Variants in DNAH9 observed in about 807,000 individuals in gnomAD.
DNAH9 encodes the protein DNAH9 variant protein.
A neutral mutation model predicts 471.6 loss-of-function variants in DNAH9; 345 were observed. The observed-to-expected ratio is 0.73, with a 90% CI of 0.67 to 0.80. The LOEUF is 0.80. Ranked by LOEUF, DNAH9 falls within the 30% of genes least tolerant of loss-of-function variation. DNAH9 has a pLI of 0.00. For synonymous variants in DNAH9, 2,093 were observed against 2,123.6 expected (o/e 0.99, Z 0.40); for missense variants, 5,407 against 5,609.2 (o/e 0.96, Z 1.15).
At chr17:11,636,388 T>TA (rs1157946034) in intron 8 of DNAH9, among the ~76,000 whole-genome samples, 1 of 152,220 alleles carries the variant, frequency 6.6e-6, no homozygotes, top group Non-Finnish European at 1.5e-5. Context: ...TCCAGATTCT[T>TA]ATGCCAAGTA....
chr17:11,601,728 A>G (rs568080029), intron 1 of DNAH9, among the ~76,000 whole-genome samples: 27 of 151,062 alleles, frequency 1.8e-4, no homozygotes, highest in Middle Eastern at 3.5e-3. Flanking sequence ...CCTCCTGTCC[A>G]CCCCCTCTCC....
At chr17:11,674,442 G>A (rs980266313) in intron 17 of DNAH9, among the ~76,000 whole-genome samples, 6 of 152,134 alleles carry the variant, frequency 3.9e-5, no homozygotes, top group Non-Finnish European at 8.8e-5. Context: ...ACTACTCTGA[G>A]TATAAAAAGG....
At chr17:11,885,590 C>G (rs1225064483) in intron 56 of DNAH9, among the ~76,000 whole-genome samples, 4 of 152,116 alleles carry the variant, frequency 2.6e-5, no homozygotes, top group Non-Finnish European at 5.9e-5. Context: ...ATTTAAATAA[C>G]TATACTCTTA....
At chr17:11,611,820 A>C in intron 4 of DNAH9, 40 bp downstream of exon 4, 1 of 1,607,790 alleles carries the variant, frequency 6.2e-7, no homozygotes, top group Non-Finnish European at 8.5e-7. Flanking sequence ...TGTTTGACTC[A>C]AGTTACCGTC....
In DNAH9 at chr17:11,969,674, A is replaced by T. The variant is rs539061786; in HGVS notation, c.*147A>T. 7.2e-6 allele frequency: 5 copies of T among 693,730 alleles called. No homozygotes were observed. The highest frequency in any genetic ancestry group is 2.7e-5 in the East Asian group (1 of 36,640). The allele number at this position is 693,730 out of a possible 1,614,324, so 43.0% of individuals were successfully genotyped here. ...TGTAGAATTCCTCTAGGGAACTTGG[A>T]GAGGTGTGCCTAAGGTGAGGCTGAG... On this transcript the variant is annotated 3_prime_UTR_variant, in exon 69 of 69. Transcript: ENST00000262442.
At chr17:11,870,519 G>T (rs1362297749) in intron 51 of DNAH9, among the ~76,000 whole-genome samples, 1 of 152,228 alleles carries the variant, frequency 6.6e-6, no homozygotes, top group Non-Finnish European at 1.5e-5. Context: ...GAGCTGTGAT[G>T]TAATGAAGAC....
intron 10 of DNAH9, among the ~76,000 whole-genome samples, chr17:11,643,211 G>A (rs1001359370): frequency 3.3e-5 from 5 of 152,198 alleles, no homozygotes; most frequent in African/African-American, 7.2e-5. Flanking sequence ...ACTCTCTTCC[G>A]TGGTCCTTAG....
intron 28 of DNAH9, among the ~76,000 whole-genome samples, chr17:11,733,613 A>G (rs2075301333): frequency 6.6e-6 from 1 of 152,190 alleles, no homozygotes; most frequent in Non-Finnish European, 1.5e-5. Context: ...GCACTTTGGG[A>G]GGCCGAGGTG....
At chr17:11,736,948 T>C (rs77791050) in intron 28 of DNAH9, among the ~76,000 whole-genome samples, 3,604 of 152,314 alleles carry the variant, frequency 0.024, 64 homozygotes, top group East Asian at 0.087. Context: ...GCTCTGTATA[T>C]TTTATGGATG....
chr17:11,813,937 G>C (rs1970006573), intron 45 of DNAH9, among the ~76,000 whole-genome samples: 2 of 152,190 alleles, frequency 1.3e-5, no homozygotes, highest in Admixed American at 6.5e-5. Flanking sequence ...ATAAGAACTA[G>C]AGTGGCTGCC....
At chr17:11,856,688 A>G (rs1460878399) in intron 50 of DNAH9, among the ~76,000 whole-genome samples, 1 of 151,890 alleles carries the variant, frequency 6.6e-6, no homozygotes, top group Non-Finnish European at 1.5e-5. Flanking sequence ...CCTGGGCAAC[A>G]CAGCGAGACC....
intron 59 of DNAH9, among the ~76,000 whole-genome samples, chr17:11,899,474 G>A (rs1463763269): frequency 6.6e-6 from 1 of 152,220 alleles, no homozygotes; most frequent in Non-Finnish European, 1.5e-5. Flanking sequence ...TTGCTACACA[G>A]TCCAAAGTAA....
chr17:11,892,375 C>T lies in DNAH9; in HGVS notation c.11283+428C>T, dbSNP rs564227368. 1.6e-3 allele frequency among the ~76,000 whole-genome samples: 239 copies of T among 152,268 alleles called. No individual in the cohort carries two copies. The highest frequency in any genetic ancestry group is 2.5e-3 in the Non-Finnish European group (167 of 68,020). Reference sequence around the variant, plus strand: ...CAAGTTTACTGATGCAGCCATCCCCCGGGATAAGAAATTGCACAGGTCTTT... The same window carrying T: ...CAAGTTTACTGATGCAGCCATCCCCTGGGATAAGAAATTGCACAGGTCTTT... On this transcript the variant is annotated intron_variant, in intron 58 of 68. Coordinates refer to ENST00000262442, the MANE Select transcript of DNAH9 (RefSeq NM_001372.4). The surrounding 1 kb of genome is among the most constrained non-coding windows in gnomAD (Gnocchi z 4.3).
At chr17:11,691,996 G>T (rs886550112) in intron 20 of DNAH9, among the ~76,000 whole-genome samples, 2 of 152,116 alleles carry the variant, frequency 1.3e-5, no homozygotes, top group Non-Finnish European at 2.9e-5. Context: ...TAGAGACGAG[G>T]TTTCACCATG....
At chr17:11,829,035 G>A (rs911424362) in intron 48 of DNAH9, among the ~76,000 whole-genome samples, 3 of 152,168 alleles carry the variant, frequency 2.0e-5, no homozygotes, top group Non-Finnish European at 4.4e-5. Flanking sequence ...CATCACCTGC[G>A]AGCTCAGAGT....
At chr17:11,822,099 C>G in intron 46 of DNAH9, 37 bp downstream of exon 46, 2 of 1,589,086 alleles carry the variant, frequency 1.3e-6, no homozygotes, top group Non-Finnish European at 8.5e-7. Context: ...GGCAGAGACC[C>G]GAGATGATTC....
At chr17:11,608,717 A>G (rs2072562241) in intron 2 of DNAH9, among the ~76,000 whole-genome samples, 1 of 152,166 alleles carries the variant, frequency 6.6e-6, no homozygotes, top group Non-Finnish European at 1.5e-5. Context: ...ACATAATGTC[A>G]CAGAACTATC....
chr17:11,815,958 CTG>C (rs1427285237), intron 45 of DNAH9, among the ~76,000 whole-genome samples: 1 of 152,112 alleles, frequency 6.6e-6, no homozygotes, highest in Admixed American at 6.6e-5. Context: ...AGGTAACACA[CTG>C]TGCTACTTGC....
rs771435883 is a variant in DNAH9, at chr17:11,669,639, A to G, written c.3198A>G (p.Glu1066=). 1.2e-6 allele frequency: 2 copies of G among 1,614,166 alleles called. No individual in the cohort carries two copies. Among genetic ancestry groups the G allele is most frequent in the Non-Finnish European group, 1.7e-6 (2 of 1,180,036 alleles). ...TTAAAGTGCAAATCGACTCCTATGA[A>G]ACGCTCTATGAAGAGGTGTGCAGGC... ...SQFKVQIDSY[E]TLYEEVCRLE... is the part of the protein sequence containing the mutation. Residue 1066 remains glutamate (E), a synonymous_variant, in exon 17 of 69, where the codon GAA becomes GAG. Coordinates refer to ENST00000262442, the MANE Select transcript of DNAH9 (RefSeq NM_001372.4).
Sources: gnomAD v4.1 joint callset for allele counts (sites outside exome capture counted in the v4.1 genomes callset) on GRCh38, gnomAD v4.1.1 for gene constraint, Gnocchi (gnomAD v3.1) non-coding constraint, MANE v1.5 for transcripts, NCBI Gene and HGNC (gene_info 2026-07-23, HGNC 2026-07-21) for gene names.